CTNND2: variants seen among roughly 807,000 people sequenced by gnomAD.
The protein encoded by CTNND2 is catenin delta 2.
In CTNND2, 22 loss-of-function variants were observed where a neutral mutation model predicts 144.4. The ratio of observed to expected loss-of-function variants is 0.15; its 90% CI spans 0.11 to 0.22. CTNND2 has a LOEUF of 0.22. Among genes scored for constraint, CTNND2 ranks in the 10% least tolerant of loss-of-function variants. CTNND2 has a pLI of 1.00. For missense variants in CTNND2, 1,353 were observed against 1,618.8 expected, an observed-to-expected ratio of 0.84 and a Z score of 2.82; for synonymous variants, 751 against 695.6, an observed-to-expected ratio of 1.08 and a Z score of -1.25.
chr5:11,661,986 T>TAC (rs760846897), intron 2 of CTNND2, among the ~76,000 whole-genome samples: 13 of 150,692 alleles, frequency 8.6e-5, no homozygotes, highest in South Asian at 2.1e-4. Flanking sequence ...CATGTATATA[T>TAC]ACACACACAC....
intron 3 of CTNND2, among the ~76,000 whole-genome samples, chr5:11,436,638 T>C (rs1359326619): frequency 6.6e-6 from 1 of 152,256 alleles, no homozygotes; most frequent in East Asian, 1.9e-4. Flanking sequence ...GAAACATTTA[T>C]AAACATCCAT....
At chr5:11,310,176 T>C (rs1207403066) in intron 9 of CTNND2, among the ~76,000 whole-genome samples, 1 of 152,122 alleles carries the variant, frequency 6.6e-6, no homozygotes, top group African/African-American at 2.4e-5. Context: ...GGTCCTGGGC[T>C]AGGCAGTGGC....
intron 2 of CTNND2, among the ~76,000 whole-genome samples, chr5:11,654,332 C>T (rs1782802598): frequency 2.6e-5 from 4 of 152,050 alleles, no homozygotes; most frequent in Admixed American, 1.3e-4. Flanking sequence ...GTAGTGTGGA[C>T]ATTTTAACAA....
chr5:11,009,481 A>T lies in CTNND2; in HGVS notation c.3084+8493T>A, dbSNP rs374222162. Among the ~76,000 whole-genome samples, 17 of 152,318 alleles carry T rather than the reference A, an allele frequency of 1.1e-4. No individual in the cohort carries two copies. The South Asian group carries it at 3.5e-3, about 32-fold the overall frequency. Reference sequence around the variant, plus strand: ...AGCACACCGAGTTCTCAAAGATGTGATATCACCCAATCTACTGGATCCACC... The same window carrying T: ...AGCACACCGAGTTCTCAAAGATGTGTTATCACCCAATCTACTGGATCCACC... On this transcript the variant is annotated intron_variant, in intron 18 of 21. Coordinates refer to ENST00000304623, the MANE Select transcript of CTNND2 (RefSeq NM_001332.4).
chr5:11,230,256 T>C (rs1448448595), intron 10 of CTNND2, among the ~76,000 whole-genome samples: 2 of 147,120 alleles, frequency 1.4e-5, no homozygotes, highest in Non-Finnish European at 3.0e-5. Flanking sequence ...TTGGGAGATA[T>C]ACCTAATGCT....
intron 1 of CTNND2, among the ~76,000 whole-genome samples, chr5:11,797,956 G>A (rs1791483922): frequency 6.6e-6 from 1 of 152,118 alleles, no homozygotes; most frequent in Non-Finnish European, 1.5e-5. Context: ...CAGAGAAAGT[G>A]TCTTAATAGT....
chr5:11,501,471 C>T (rs1354429675), intron 3 of CTNND2, among the ~76,000 whole-genome samples: 1 of 152,228 alleles, frequency 6.6e-6, no homozygotes, highest in African/African-American at 2.4e-5. Flanking sequence ...TCAACAAAAG[C>T]AGAAGTCACT....
chr5:11,043,054 C>G lies in CTNND2; in HGVS notation c.2789-20075G>C, dbSNP rs184953515. ...CGAGATTGGTCTTTAATAGTGTTAGCTTATAAAATTTTTTATATCTAGGTC... is the reference window on the plus strand; with the variant it reads ...CGAGATTGGTCTTTAATAGTGTTAGGTTATAAAATTTTTTATATCTAGGTC... On this transcript the variant is annotated intron_variant, in intron 16 of 21. Transcript: ENST00000304623. Among the ~76,000 whole-genome samples the G allele has an allele frequency of 5.9e-4, 90 of 151,390 alleles. 1 individual carries two copies. Among genetic ancestry groups the G allele is most frequent in the African/African-American group, 2.1e-3 (87 of 41,346 alleles).
intron 3 of CTNND2, among the ~76,000 whole-genome samples, chr5:11,562,509 GCAGATGCATA>G (rs1301127454): frequency 1.3e-5 from 2 of 152,196 alleles, no homozygotes; most frequent in Non-Finnish European, 2.9e-5. Flanking sequence ...TTATACAAAT[GCAGATGCATA>G]CATTAGAGAT....
At chr5:11,456,254 C>T (rs998649248) in intron 3 of CTNND2, among the ~76,000 whole-genome samples, 2 of 151,106 alleles carry the variant, frequency 1.3e-5, no homozygotes, top group East Asian at 1.9e-4. Flanking sequence ...TTCCTCCCTG[C>T]GTCAAGGAGA....
chr5:11,371,888 G>C (rs1757506141), intron 7 of CTNND2, among the ~76,000 whole-genome samples: 1 of 152,096 alleles, frequency 6.6e-6, no homozygotes, highest in African/African-American at 2.4e-5. Context: ...AATAATTCCA[G>C]TGTAACAGGC....
intron 2 of CTNND2, among the ~76,000 whole-genome samples, chr5:11,698,678 G>T (rs1395648820): frequency 2.0e-5 from 3 of 151,942 alleles, no homozygotes; most frequent in South Asian, 2.1e-4. Flanking sequence ...AAATAAATCA[G>T]GGACTAAATT....
chr5:11,781,689 C>T (rs1790548881), intron 1 of CTNND2, among the ~76,000 whole-genome samples: 2 of 152,094 alleles, frequency 1.3e-5, no homozygotes, highest in Non-Finnish European at 2.9e-5. Context: ...ACAAATGACT[C>T]CTCAACTCTG....
At chr5:11,548,832 A>G (rs1775496988) in intron 3 of CTNND2, among the ~76,000 whole-genome samples, 1 of 152,114 alleles carries the variant, frequency 6.6e-6, no homozygotes, top group Non-Finnish European at 1.5e-5. Context: ...TGTGGAGTTT[A>G]TTTCTTTATT....
chr5:11,673,919 G>A (rs1267717645), intron 2 of CTNND2, among the ~76,000 whole-genome samples: 3 of 152,092 alleles, frequency 2.0e-5, no homozygotes, highest in Non-Finnish European at 4.4e-5. Context: ...TTTGATTTGT[G>A]CATGTCCTCT....
intron 3 of CTNND2, among the ~76,000 whole-genome samples, chr5:11,486,701 C>A (rs1768867006): frequency 6.6e-6 from 1 of 152,112 alleles, no homozygotes; most frequent in East Asian, 1.9e-4. Flanking sequence ...ATTCAAAAAT[C>A]ATCACTAGTT....
At chr5:11,248,236 T>C (rs1269259131) in intron 9 of CTNND2, among the ~76,000 whole-genome samples, 1 of 152,048 alleles carries the variant, frequency 6.6e-6, no homozygotes, top group Non-Finnish European at 1.5e-5. Context: ...GTTTTTTACT[T>C]TGTTGATATC....
chr5:11,520,124 G>T (rs1396624418), intron 3 of CTNND2, among the ~76,000 whole-genome samples: 1 of 148,674 alleles, frequency 6.7e-6, no homozygotes, highest in South Asian at 2.1e-4. Context: ...TCTAGCCTGG[G>T]CAACAAGAGT....
At chr5:11,428,260 T>G (rs575314332) in intron 3 of CTNND2, among the ~76,000 whole-genome samples, 1 of 152,322 alleles carries the variant, frequency 6.6e-6, no homozygotes, top group Non-Finnish European at 1.5e-5. Context: ...GTTTTTTAAT[T>G]AATTTCCAAA....
Sources: allele counts gnomAD v4.1 joint callset (sites outside exome capture counted in the v4.1 genomes callset), GRCh38; gene constraint gnomAD v4.1.1; transcripts MANE v1.5; gene names NCBI Gene and HGNC (gene_info 2026-07-23, HGNC 2026-07-21).